Variants in ZNF500 observed in about 807,000 individuals in gnomAD.
ZNF500 encodes the protein zinc finger protein 500.
A neutral mutation model predicts 30.1 loss-of-function variants in ZNF500; 31 were observed. That is an observed-to-expected ratio of 1.03 (90% confidence interval 0.77 to 1.39). ZNF500 has a LOEUF of 1.39. ZNF500 is among the 40% of genes most tolerant of loss of function. The probability of loss-of-function intolerance (pLI) is 0.00; values close to 1 mark genes in which losing one functional copy is unlikely to be tolerated. For missense variants in ZNF500, 817 were observed against 657.8 expected (o/e 1.24, Z -2.65); for synonymous variants, 392 against 282.0 (o/e 1.39, Z -3.91).
In ZNF500 at chr16:4,750,279, G is replaced by C. The variant is rs2082064860; in HGVS notation, c.*2097C>G. On this transcript the variant is annotated 3_prime_UTR_variant, in exon 6 of 6. Transcript: ENST00000219478. Reference sequence around the variant, plus strand: ...TCCCTCAACCAGGCAGCCCCATTCTGCAGACACAGGACAGAGCACACAGGG... The same window carrying C: ...TCCCTCAACCAGGCAGCCCCATTCTCCAGACACAGGACAGAGCACACAGGG... 6.6e-6 allele frequency: 1 copy of C among 152,336 alleles called. No individual in the cohort carries two copies. Among genetic ancestry groups the C allele is most frequent in the African/African-American group, 2.4e-5 (1 of 41,458 alleles). The allele number at this position is 152,336 out of a possible 1,614,324, so 9.4% of individuals were successfully genotyped here. A position where few individuals can be genotyped will look rare whatever the true frequency, so the allele number is the denominator to read the frequency against.
At chr16:4,757,786 G>C (rs953433633) in intron 5 of ZNF500, among the ~76,000 whole-genome samples, 2 of 150,914 alleles carry the variant, frequency 1.3e-5, no homozygotes, top group African/African-American at 2.4e-5. Flanking sequence ...TATTTTTTAG[G>C]AGAGACAGGG....
At chr16:4,763,313 CGCTTGAACTCGGGAAGT>C (rs2082227988) in intron 2 of ZNF500, 2 of 265,124 alleles carry the variant, frequency 7.5e-6, no homozygotes, top group East Asian at 3.6e-4. Flanking sequence ...GCAGGAGAAT[CGCTTGAACTCGGGAAGT>C]ACAGGTTGCA....
At position 4,752,715 on chromosome 16, in the gene ZNF500, G is replaced by A. The variant is rs1019967912; in HGVS notation, c.1104C>T (p.Phe368=). ...CTGTGTGCACCCTCTGGTGCGTGCT[G>A]AAGTTGGAGCGGTCGCTAAAGCCCT... ...CGKGFSDRSN[F]STHQRVHTGE... is the part of the protein sequence containing the mutation. Residue 368 remains phenylalanine, a synonymous_variant, in exon 6 of 6, where the codon TTC becomes TTT. Coordinates refer to ENST00000219478, the MANE Select transcript of ZNF500 (RefSeq NM_021646.4). 9 of 1,614,202 alleles carry A rather than the reference G, an allele frequency of 5.6e-6. 1 individual carries two copies. The highest frequency in any genetic ancestry group is 1.6e-4 in the Middle Eastern group (1 of 6,062).
chr16:4,765,481 C>T, intron 2 of ZNF500, 84 bp downstream of exon 2: 1 of 1,506,510 alleles, frequency 6.6e-7, no homozygotes, highest in Non-Finnish European at 8.9e-7. Context: ...CACTTGGTCA[C>T]CCAATGACCA....
Position 4,765,915 on chromosome 16 carries a change from T to A in ZNF500, c.64A>T (p.Ile22Phe), listed in dbSNP as rs1206038852. ...TLEQDLEQEE[I>F]LIVKVEEDFC... ...TCCTCCTCCACCTTCACAATCAGGA[T>A]CTCTTCCTGTTCCAGGTCCTGCTCC... The change falls in exon 2 of 6, where the codon ATC (isoleucine) becomes TTC (phenylalanine). Residue 22 changes from isoleucine to phenylalanine, a missense_variant. By Grantham distance (21) the Ile-to-Phe change is conservative. Coordinates refer to ENST00000219478, the MANE Select transcript of ZNF500 (RefSeq NM_021646.4). 3 of 1,610,932 alleles carry A rather than the reference T, an allele frequency of 1.9e-6. No homozygotes were observed. The highest frequency in any genetic ancestry group is 1.1e-5 in the South Asian group (1 of 90,726).
chr16:4,746,602 AG>A, downstream of ZNF500: 1 of 1,433,956 alleles, frequency 7.0e-7, no homozygotes, highest in Non-Finnish European at 9.5e-7. Flanking sequence ...CCTGATGGGG[AG>A]GAACAGGGAC....
chr16:4,745,612 C>A (rs1056257940), downstream of ZNF500, among the ~76,000 whole-genome samples: 1 of 152,156 alleles, frequency 6.6e-6, no homozygotes, highest in Non-Finnish European at 1.5e-5. Flanking sequence ...TTCACCTGAC[C>A]AGCAGTGGGT....
chr16:4,744,813 G>A (rs1024259269), downstream of ZNF500: 3 of 1,563,390 alleles, frequency 1.9e-6, no homozygotes, highest in Admixed American at 1.7e-5. Flanking sequence ...TCCAGCTGCT[G>A]TAAGTCACAA....
In ZNF500 at chr16:4,752,453, G is replaced by A. The variant is rs2142224958; in HGVS notation, c.1366C>T (p.Gln456Ter). The A allele has an allele frequency of 6.5e-7, 1 of 1,542,318 alleles. No homozygotes were observed. Among genetic ancestry groups the A allele is most frequent in the South Asian group, 1.2e-5 (1 of 84,356 alleles). The change falls in exon 6 of 6, where the codon CAG becomes TAG. Residue 456 changes from glutamine to a stop codon, truncating the protein, a stop_gained. Coordinates refer to ENST00000219478, the MANE Select transcript of ZNF500 (RefSeq NM_021646.4). LOFTEE classifies it low-confidence loss of function (END_TRUNC). Reference sequence around the variant, plus strand: ...GAGCCTGCCCCCATGTGGGTCCGCTGGTGCTTGTGCAGGTCGGTGCCCCGG... The same window carrying A: ...GAGCCTGCCCCCATGTGGGTCCGCTAGTGCTTGTGCAGGTCGGTGCCCCGG... ...FRRGTDLHKH[Q>*]RTHMGAGSLP...
At chr16:4,744,776 A>C, downstream of ZNF500, 1 of 1,440,482 alleles carries the variant, frequency 6.9e-7, no homozygotes. Flanking sequence ...GTCCATTCAC[A>C]TGTGGAGACC....
rs1312986230 is a variant in ZNF500, at chr16:4,767,042, T to C, written c.-124A>G. 1 of 152,228 alleles carries C rather than the reference T, an allele frequency of 6.6e-6. No individual in the cohort carries two copies. Among genetic ancestry groups the C allele is most frequent in the African/African-American group, 2.4e-5 (1 of 41,438 alleles). 9.4% of individuals were successfully genotyped at this position (152,228 alleles called of 1,614,324 possible). ...TGGAAGCGCTGCCGGCCGTGGGCAG[T>C]TCGGGGCAGGACCGGAGCGGCGGGT... is the stretch of plus-strand genomic sequence containing the variant. On this transcript the variant is annotated 5_prime_UTR_variant, in exon 1 of 6. Transcript: ENST00000219478.
chr16:4,766,248 T>G, intron 1 of ZNF500, 172 bp from the exon 2 acceptor site: 3 of 358,566 alleles, frequency 8.4e-6, no homozygotes, highest in South Asian at 6.1e-5. Flanking sequence ...CCCGGGTAAT[T>G]TACTGAAGGG....
rs961237029 is a variant in ZNF500, at chr16:4,752,064, G to C, written c.*312C>G. ...CTGATGGACCCTCCCAGGCCCTTCA[G>C]GAGCCAGCCCCACGAACACCTTGAG... On this transcript the variant is annotated 3_prime_UTR_variant, in exon 6 of 6. Coordinates refer to ENST00000219478, the MANE Select transcript of ZNF500 (RefSeq NM_021646.4). 69 of 1,299,238 alleles carry C rather than the reference G, an allele frequency of 5.3e-5. No homozygotes were observed. The South Asian group carries it at 1.5e-3, about 28-fold the overall frequency. 80.5% of individuals were successfully genotyped at this position (1,299,238 alleles called of 1,614,324 possible). A position where few individuals can be genotyped will look rare whatever the true frequency, so the allele number is the denominator to read the frequency against.
intron 1 of ZNF500, among the ~76,000 whole-genome samples, 182 bp from the exon 2 acceptor site, chr16:4,766,258 G>A (rs1046911188): frequency 1.3e-5 from 2 of 152,242 alleles, no homozygotes; most frequent in Non-Finnish European, 2.9e-5. Flanking sequence ...TTACTGAAGG[G>A]CTCTGGGCTT....
At chr16:4,745,492 G>A (rs1479880839), downstream of ZNF500, among the ~76,000 whole-genome samples, 1 of 152,206 alleles carries the variant, frequency 6.6e-6, no homozygotes, top group Admixed American at 6.5e-5. Flanking sequence ...GCTGGGAGAG[G>A]CAGAGGTGGA....
At chr16:4,762,218 C>T (rs889193240) in intron 4 of ZNF500, 53 bp downstream of exon 4, 5 of 1,582,896 alleles carry the variant, frequency 3.2e-6, no homozygotes, top group East Asian at 4.6e-5. Context: ...GTGTGACACA[C>T]AGGAGGTCGG....
chr16:4,753,209 C>T, intron 5 of ZNF500, 151 bp from the exon 6 acceptor site: 1 of 1,377,902 alleles, frequency 7.3e-7, no homozygotes. Flanking sequence ...GCCTATAATC[C>T]CAGCACTTTG....
At chr16:4,764,120 T>C (rs1198792323) in intron 2 of ZNF500, 24 of 984,860 alleles carry the variant, frequency 2.4e-5, no homozygotes, top group East Asian at 1.1e-4. Context: ...TCTATAGAGA[T>C]TTCGGTGTGT....
chr16:4,763,938 A>C, intron 2 of ZNF500: 1 of 985,478 alleles, frequency 1.0e-6, no homozygotes, highest in Non-Finnish European at 1.2e-6. Context: ...GCTGGTCAGC[A>C]CTGCCCATGT....
Sources: gnomAD v4.1 joint callset for allele counts (sites outside exome capture counted in the v4.1 genomes callset) on GRCh38, gnomAD v4.1.1 for gene constraint, MANE v1.5 for transcripts, NCBI Gene and HGNC (gene_info 2026-07-23, HGNC 2026-07-21) for gene names.